The following SH3BP4 variants were observed in gnomAD, a reference collection of about 807,000 sequenced individuals.
SH3BP4 encodes the protein SH3 domain binding protein 4.
Under a neutral mutation model 65.5 loss-of-function variants are expected in SH3BP4, and 33 were observed. The observed-to-expected ratio is 0.50, with a 90% CI of 0.38 to 0.67. The LOEUF (loss-of-function observed/expected upper bound fraction) is 0.67. SH3BP4 is among the 30% of genes least tolerant of loss of function. The probability of loss-of-function intolerance (pLI) is 0.00; values close to 1 mark genes in which losing one functional copy is unlikely to be tolerated. For synonymous variants in SH3BP4, 552 were observed against 545.5 expected, an observed-to-expected ratio of 1.01 and a Z score of -0.17; for missense variants, 1,134 against 1,261.4, an observed-to-expected ratio of 0.90 and a Z score of 1.53.
In SH3BP4 at chr2:235,034,628, A is replaced by G. The variant is rs1695313015; in HGVS notation, c.-132-243A>G. Among the ~76,000 whole-genome samples the G allele has an allele frequency of 6.6e-6, 1 of 152,198 alleles. No individual in the cohort carries two copies. Among genetic ancestry groups the G allele is most frequent in the Admixed American group, 6.5e-5 (1 of 15,278 alleles). ...TACGCCCCTAAGAAGAGCAGGTGCA[A>G]ACAGCCGGCCAGAAAACACTGCTTG... On this transcript the variant is annotated intron_variant, in intron 2 of 5. Transcript: ENST00000392011. This position sits in a 1 kb window ranked among gnomAD's most constrained non-coding sequence, Gnocchi z 6.2.
intron 1 of SH3BP4, among the ~76,000 whole-genome samples, chr2:234,960,783 C>T (rs527305597): frequency 2.0e-5 from 3 of 152,246 alleles, no homozygotes; most frequent in Non-Finnish European, 4.4e-5. Context: ...GCTGTTTCTT[C>T]GAAATCAATC....
At chr2:235,048,589 C>T (rs1013327951) in intron 4 of SH3BP4, among the ~76,000 whole-genome samples, 1 of 152,156 alleles carries the variant, frequency 6.6e-6, no homozygotes. Flanking sequence ...ATCCTCCCAC[C>T]TCAGCCTACC....
At chr2:235,014,934 C>G (rs1314662313) in intron 2 of SH3BP4, among the ~76,000 whole-genome samples, 1 of 152,202 alleles carries the variant, frequency 6.6e-6, no homozygotes. Flanking sequence ...TCAGTATTAT[C>G]CTCTCCCTGA....
intron 1 of SH3BP4, among the ~76,000 whole-genome samples, chr2:234,966,144 C>T (rs994158622): frequency 7.2e-5 from 11 of 152,070 alleles, no homozygotes; most frequent in Non-Finnish European, 1.5e-5. Context: ...TTTGGGAGGC[C>T]GAGGCAGGTG....
intron 1 of SH3BP4, among the ~76,000 whole-genome samples, chr2:234,954,011 G>A (rs1249589531): frequency 6.6e-6 from 1 of 151,870 alleles, no homozygotes; most frequent in South Asian, 2.1e-4. Context: ...TCTGTGGAAT[G>A]CCCGGGCCGT....
chr2:235,041,040 G>A lies in SH3BP4; in HGVS notation c.271G>A (p.Glu91Lys). The A allele has an allele frequency of 1.9e-6, 3 of 1,614,154 alleles. No homozygotes were observed. The highest frequency in any genetic ancestry group is 2.5e-6 in the Non-Finnish European group (3 of 1,180,038). ...CTACGTCTTGGACACATCTGGCGGT[G>A]AGTGGTGGTACGCACACAACACCAC... ...HLYVLDTSGG[E>K]WWYAHNTTEM... The change falls in exon 4 of 6, where the codon GAG becomes AAG. Residue 91 changes from glutamate (E) to lysine (K), a missense_variant. Glu to Lys is a moderately conservative substitution (Grantham distance 56). Transcript: ENST00000392011. This position sits in a 1 kb window ranked among gnomAD's most constrained non-coding sequence, Gnocchi z 6.0.
chr2:235,012,660 A>G (rs530545007), intron 2 of SH3BP4, among the ~76,000 whole-genome samples: 22 of 152,286 alleles, frequency 1.4e-4, no homozygotes, highest in Admixed American at 1.4e-3. Context: ...GCAGGGTGCA[A>G]CAGCTCTTGC....
At chr2:235,018,880 C>G (rs1694766145) in intron 2 of SH3BP4, among the ~76,000 whole-genome samples, 1 of 152,268 alleles carries the variant, frequency 6.6e-6, no homozygotes, top group East Asian at 1.9e-4. Context: ...GTCATGTGCC[C>G]TCAAGAAAAC....
intron 2 of SH3BP4, among the ~76,000 whole-genome samples, chr2:235,001,011 ATCCCGTTTACACGGTG>A (rs1312952748): frequency 6.6e-6 from 1 of 152,166 alleles, no homozygotes; most frequent in African/African-American, 2.4e-5. Context: ...TTGCCCATAA[ATCCCGTTTACACGGTG>A]CCCACTTTTG....
chr2:235,051,350 C>A (rs903009057), intron 4 of SH3BP4, among the ~76,000 whole-genome samples: 1 of 152,050 alleles, frequency 6.6e-6, no homozygotes, highest in African/African-American at 2.4e-5. Context: ...GTGAGTTTGA[C>A]CCCAGCCTGG....
chr2:234,984,595 G>A (rs1693490035), intron 1 of SH3BP4, among the ~76,000 whole-genome samples: 1 of 152,074 alleles, frequency 6.6e-6, no homozygotes, highest in Non-Finnish European at 1.5e-5. Flanking sequence ...ATATTTGCTT[G>A]GCTTTCTAAA....
intron 3 of SH3BP4, among the ~76,000 whole-genome samples, chr2:235,038,404 T>TA (rs1483580918): frequency 0.085 from 6,969 of 81,806 alleles, 1,301 homozygotes; most frequent in East Asian, 0.24. Flanking sequence ...TATATATATA[T>TA]ATATATATAT....
intron 1 of SH3BP4, among the ~76,000 whole-genome samples, chr2:234,956,843 G>T (rs1257804959): frequency 6.6e-6 from 1 of 152,000 alleles, no homozygotes; most frequent in Admixed American, 6.6e-5. Context: ...ACAGGTGTGA[G>T]GTATGTTGCC....
chr2:235,036,445 A>C (rs1381185565), intron 3 of SH3BP4, among the ~76,000 whole-genome samples: 3 of 152,144 alleles, frequency 2.0e-5, no homozygotes, highest in African/African-American at 7.2e-5. Flanking sequence ...AGAGTCTTAA[A>C]GTGAGGTGAA....
chr2:235,040,589 C>T (rs575736394), intron 3 of SH3BP4, among the ~76,000 whole-genome samples: 8 of 151,408 alleles, frequency 5.3e-5, no homozygotes, highest in Non-Finnish European at 8.8e-5. Context: ...ATGTTTAGGG[C>T]GTAGGGCATG....
At chr2:234,989,693 G>C (rs1693690449) in intron 1 of SH3BP4, among the ~76,000 whole-genome samples, 1 of 152,208 alleles carries the variant, frequency 6.6e-6, no homozygotes, top group Non-Finnish European at 1.5e-5. Context: ...TGCAACTTAG[G>C]TAAGGACACT....
rs147474685 is a variant in SH3BP4, at chr2:234,993,623, C to T, written c.-206-1680C>T. Among the ~76,000 whole-genome samples the T allele has an allele frequency of 6.6e-5, 10 of 152,312 alleles. No individual in the cohort carries two copies. The East Asian group carries it at 1.9e-3, about 29-fold the overall frequency. On this transcript the variant is annotated intron_variant, in intron 1 of 5. Coordinates refer to ENST00000392011, the MANE Select transcript of SH3BP4 (RefSeq NM_014521.3). ...CATATACCATGAAGCCAGCCTCATT[C>T]GTAGTTTCACTTCCCCCAGGTTTTT...
rs1471496462 is a variant in SH3BP4 at position 235,052,978 on chromosome 2, C to T, written c.2667+228C>T. Among the ~76,000 whole-genome samples the T allele has an allele frequency of 6.6e-6, 1 of 152,208 alleles. No homozygotes were observed. The highest frequency in any genetic ancestry group is 1.5e-5 in the Non-Finnish European group (1 of 68,048). On this transcript the variant is annotated intron_variant, in intron 5 of 5. Coordinates refer to ENST00000392011, the MANE Select transcript of SH3BP4 (RefSeq NM_014521.3). This position sits in a 1 kb window ranked among gnomAD's most constrained non-coding sequence, Gnocchi z 5.0. The stretch of plus-strand genomic sequence containing the variant: ...TTTAGGATGTCAAGGCTGTTCCACA[C>T]GACATGGGAAGGACAAACAGAACTG...
At chr2:235,038,396 T>C (rs1037890438) in intron 3 of SH3BP4, among the ~76,000 whole-genome samples, 6,832 of 77,310 alleles carry the variant, frequency 0.088, 1,281 homozygotes, top group South Asian at 0.21. Flanking sequence ...TATATATATA[T>C]ATATATATAT....
Sources: gnomAD v4.1 joint callset for allele counts (sites outside exome capture counted in the v4.1 genomes callset) on GRCh38, gnomAD v4.1.1 for gene constraint, Gnocchi (gnomAD v3.1) non-coding constraint, MANE v1.5 for transcripts, NCBI Gene and HGNC (gene_info 2026-07-23, HGNC 2026-07-21) for gene names.